FBXO3: variants seen among roughly 807,000 people sequenced by gnomAD.
The protein encoded by FBXO3 is F-box only protein 3.
FBXO3 carries 17 observed loss-of-function variants against 64.8 expected under a neutral mutation model. The observed-to-expected ratio is 0.26, with a 90% CI of 0.18 to 0.39. The LOEUF (loss-of-function observed/expected upper bound fraction) is 0.39. Among genes scored for constraint, FBXO3 ranks in the 10% least tolerant of loss-of-function variants. The pLI is 1.00. For synonymous variants in FBXO3, 182 were observed against 201.6 expected, an observed-to-expected ratio of 0.90 and a Z score of 0.82; for missense variants, 420 against 589.9, an observed-to-expected ratio of 0.71 and a Z score of 2.98.
chr11:33,756,435 G>C (rs1855099583), intron 4 of FBXO3, among the ~76,000 whole-genome samples: 1 of 152,188 alleles, frequency 6.6e-6, no homozygotes. Flanking sequence ...AAACTTGGAT[G>C]CCTGGGGTAT....
chr11:33,759,716 A>C (rs530957154), intron 3 of FBXO3, among the ~76,000 whole-genome samples: 140 of 152,280 alleles, frequency 9.2e-4, no homozygotes, highest in African/African-American at 3.2e-3. Flanking sequence ...CTAAAGAAAG[A>C]GGAAAAAATA....
At chr11:33,746,500 G>T in intron 10 of FBXO3, 1 of 538,580 alleles carries the variant, frequency 1.9e-6, no homozygotes, top group Non-Finnish European at 3.3e-6. Flanking sequence ...GAAGCTAGAG[G>T]GCATTTTCCA....
At chr11:33,765,540 A>C (rs2133618727) in intron 3 of FBXO3, among the ~76,000 whole-genome samples, 1 of 152,366 alleles carries the variant, frequency 6.6e-6, no homozygotes, top group South Asian at 2.1e-4. Context: ...AGGTTGAAAG[A>C]GGTATCCAAC....
At position 33,751,909 on chromosome 11, in the gene FBXO3, C is replaced by A. The variant is rs149212289; in HGVS notation, c.725-302G>T. Among the ~76,000 whole-genome samples the A allele has an allele frequency of 2.0e-3, 310 of 152,218 alleles. 1 individual carries two copies. Among genetic ancestry groups the A allele is most frequent in the African/African-American group, 7.2e-3 (300 of 41,530 alleles). ...TTTTAAACTTTAATTCATTGTGGTA[C>A]AAGAATGAAAAGCCTTCTGTCTGTA... On this transcript the variant is annotated intron_variant, in intron 6 of 10. Coordinates refer to ENST00000265651, the MANE Select transcript of FBXO3 (RefSeq NM_012175.4).
At position 33,747,216 on chromosome 11, in the gene FBXO3, G is replaced by T; in HGVS notation, c.1153C>A (p.Leu385Ile). Residue 385 changes from leucine (L) to isoleucine (I), a missense_variant, in exon 10 of 11, where the codon CTT (leucine) becomes ATT (isoleucine). By Grantham distance (5) the Leu-to-Ile change is conservative. This residue lies in a region of FBXO3 where 337 missense variants were observed against 518.4 expected (regional missense o/e 0.65). Coordinates refer to ENST00000265651, the MANE Select transcript of FBXO3 (RefSeq NM_012175.4). ...TTAAAGATCTTGTCTTTAAAGTAAA[G>T]AAAATGGAAGGTATAATATCCTTCC... The part of the protein sequence containing the change: ...YMEGYYTFHF[L>I]YFKDKIFNVA... The T allele has an allele frequency of 6.2e-7, 1 of 1,611,720 alleles. No individual in the cohort carries two copies. The highest frequency in any genetic ancestry group is 8.5e-7 in the Non-Finnish European group (1 of 1,179,428).
chr11:33,772,220 A>C (rs549546517), intron 1 of FBXO3: 1 of 152,388 alleles, frequency 6.6e-6, no homozygotes, highest in East Asian at 1.9e-4. Context: ...GCTTATCACT[A>C]GACTAGACCC....
chr11:33,751,673 C>CT, intron 6 of FBXO3, 66 bp from the exon 7 acceptor site: 3 of 877,848 alleles, frequency 3.4e-6, no homozygotes, highest in Non-Finnish European at 5.4e-6. Flanking sequence ...ATACAGGAAA[C>CT]AATTGTAATT....
intron 3 of FBXO3, among the ~76,000 whole-genome samples, chr11:33,759,466 A>G (rs1188068598): frequency 6.6e-6 from 1 of 152,194 alleles, no homozygotes; most frequent in Admixed American, 6.5e-5. Flanking sequence ...TTTTTGGGCT[A>G]GGATTCTGAC....
intron 7 of FBXO3, 113 bp from the exon 8 acceptor site, chr11:33,750,774 A>G: frequency 1.1e-6 from 1 of 950,018 alleles, no homozygotes; most frequent in Non-Finnish European, 1.5e-6. Flanking sequence ...CAGACCCAGA[A>G]AAGTTCAATA....
chr11:33,760,664 A>G (rs1855221545), intron 3 of FBXO3, among the ~76,000 whole-genome samples: 1 of 152,214 alleles, frequency 6.6e-6, no homozygotes, highest in Non-Finnish European at 1.5e-5. Context: ...AAGAAACAAT[A>G]GAAGTCAGAA....
intron 3 of FBXO3, among the ~76,000 whole-genome samples, chr11:33,760,647 A>G (rs1322286543): frequency 2.6e-5 from 4 of 152,234 alleles, no homozygotes; most frequent in African/African-American, 9.6e-5. Flanking sequence ...CCTGTCTTTA[A>G]AAAGAAAAGA....
At chr11:33,754,136 A>G (rs1292279876) in intron 6 of FBXO3, 1 of 214,468 alleles carries the variant, frequency 4.7e-6, no homozygotes, top group African/African-American at 2.3e-5. Context: ...ATACATGAAT[A>G]TAATGAATAA....
At position 33,741,618 on chromosome 11, in the gene FBXO3, A is replaced by C; in HGVS notation, c.*290T>G. On this transcript the variant is annotated 3_prime_UTR_variant, in exon 11 of 11. Transcript: ENST00000265651. ...TCTCCATTTCTAGATTTTTGTAAGTATAAAATATTTTAAAACAAAGGTATG... is the reference window on the plus strand; with the variant it reads ...TCTCCATTTCTAGATTTTTGTAAGTCTAAAATATTTTAAAACAAAGGTATG... 4.7e-6 allele frequency: 1 copy of C among 213,550 alleles called. No individual in the cohort carries two copies. Among genetic ancestry groups the C allele is most frequent in the Non-Finnish European group, 9.2e-6 (1 of 108,900 alleles). The allele number at this position is 213,550 out of a possible 1,614,324, so 13.2% of individuals were successfully genotyped here.
intron 1 of FBXO3, chr11:33,773,328 T>C (rs1182817671): frequency 6.6e-6 from 1 of 152,212 alleles, no homozygotes; most frequent in Non-Finnish European, 1.5e-5. Context: ...GTACAGGTAG[T>C]GACCAAAAAC....
At chr11:33,766,291 C>A (rs951985609) in intron 3 of FBXO3, among the ~76,000 whole-genome samples, 13 of 152,224 alleles carry the variant, frequency 8.5e-5, no homozygotes, top group African/African-American at 2.9e-4. Context: ...CTTAAACTCT[C>A]CGGGTATGTT....
chr11:33,767,398 C>T (rs992956105), intron 3 of FBXO3, among the ~76,000 whole-genome samples: 1 of 152,176 alleles, frequency 6.6e-6, no homozygotes, highest in African/African-American at 2.4e-5. Flanking sequence ...TTGCCGGGTT[C>T]ACGCCATTCT....
chr11:33,769,033 T>C lies in FBXO3; in HGVS notation c.195-19A>G, dbSNP rs1326742906. The C allele has an allele frequency of 6.3e-7, 1 of 1,579,580 alleles. No homozygotes were observed. The highest frequency in any genetic ancestry group is 8.6e-7 in the Non-Finnish European group (1 of 1,165,192). On this transcript the variant is annotated intron_variant, in intron 2 of 10. Coordinates refer to ENST00000265651, the MANE Select transcript of FBXO3 (RefSeq NM_012175.4). ...CTCTTCCCTAAATAGATGAAAAACATGAGATTTTAAATCTTTTAAAATAAT... is the reference window on the plus strand; with the variant it reads ...CTCTTCCCTAAATAGATGAAAAACACGAGATTTTAAATCTTTTAAAATAAT...
chr11:33,768,301 A>G (rs1433084876), intron 3 of FBXO3, among the ~76,000 whole-genome samples: 1 of 152,212 alleles, frequency 6.6e-6, no homozygotes, highest in Non-Finnish European at 1.5e-5. Flanking sequence ...TAGAAAGAGC[A>G]TATTCTGGAG....
Position 33,746,582 on chromosome 11 carries a change from A to G in FBXO3, c.1239+548T>C, listed in dbSNP as rs1413347937. 3 of 679,036 alleles carry G rather than the reference A, an allele frequency of 4.4e-6. No individual in the cohort carries two copies. The South Asian group carries it at 4.7e-5, about 11-fold the overall frequency. 42.1% of individuals were successfully genotyped at this position (679,036 alleles called of 1,614,324 possible). A position where few individuals can be genotyped will look rare whatever the true frequency, so the allele number is the denominator to read the frequency against. On this transcript the variant is annotated intron_variant, in intron 10 of 10. Coordinates refer to ENST00000265651, the MANE Select transcript of FBXO3 (RefSeq NM_012175.4). ...TATTTTATCCCCATTGTATAACTGG[A>G]GCTTCATAACTTTCTTTAATCATGT...
Sources: allele counts gnomAD v4.1 joint callset (sites outside exome capture counted in the v4.1 genomes callset), GRCh38; gene constraint gnomAD v4.1.1; regional missense constraint gnomAD v4.1.1; transcripts MANE v1.5; gene names NCBI Gene and HGNC (gene_info 2026-07-23, HGNC 2026-07-21).